NCOA7: variants seen among roughly 807,000 people sequenced by gnomAD.
The protein encoded by NCOA7 is 140 kDa estrogen receptor-associated protein.
In NCOA7, 45 loss-of-function variants were observed where a neutral mutation model predicts 104.3. The ratio of observed to expected loss-of-function variants is 0.43; its 90% CI spans 0.34 to 0.55. The LOEUF is 0.55. Among genes scored for constraint, NCOA7 ranks in the 20% least tolerant of loss-of-function variants. The pLI is 0.02. For synonymous variants in NCOA7, 398 were observed against 402.3 expected (o/e 0.99, Z 0.13); for missense variants, 1,041 against 1,119.7 (o/e 0.93, Z 1.00).
chr6:125,857,737 A>T (rs1192810853), intron 3 of NCOA7, among the ~76,000 whole-genome samples: 1 of 151,806 alleles, frequency 6.6e-6, no homozygotes, highest in East Asian at 1.9e-4. Flanking sequence ...ATTTTCAGCA[A>T]TGCAGCACTT....
At chr6:125,893,353 A>T (rs771944503) in intron 10 of NCOA7, among the ~76,000 whole-genome samples, 8 of 152,232 alleles carry the variant, frequency 5.3e-5, no homozygotes, top group Non-Finnish European at 1.2e-4. Context: ...CTATGTTAAA[A>T]ATTAAAACTC....
At chr6:125,803,753 T>G (rs1284473960) in intron 1 of NCOA7, among the ~76,000 whole-genome samples, 1 of 152,196 alleles carries the variant, frequency 6.6e-6, no homozygotes, top group Non-Finnish European at 1.5e-5. Flanking sequence ...ACACTCAAAT[T>G]TAATTCTTGA....
chr6:125,920,687 G>T (rs572766688), intron 11 of NCOA7, among the ~76,000 whole-genome samples: 2 of 152,160 alleles, frequency 1.3e-5, no homozygotes, highest in African/African-American at 4.8e-5. Context: ...GGGCATACAG[G>T]CATGAGCCAC....
intron 10 of NCOA7, among the ~76,000 whole-genome samples, chr6:125,912,325 T>C (rs1786642338): frequency 2.0e-5 from 3 of 152,058 alleles, no homozygotes; most frequent in Admixed American, 2.0e-4. Context: ...TAATGATTGA[T>C]AGGTGTTCCC....
chr6:125,896,720 A>G (rs1326077539), intron 10 of NCOA7, among the ~76,000 whole-genome samples: 4 of 152,234 alleles, frequency 2.6e-5, no homozygotes, highest in Non-Finnish European at 5.9e-5. Context: ...TGAGCCCGAG[A>G]TGCTGAGGCT....
chr6:125,922,720 A>T lies in NCOA7; in HGVS notation c.2409A>T (p.Pro803=). 6.2e-7 allele frequency: 1 copy of T among 1,613,962 alleles called. No homozygotes were observed. The highest frequency in any genetic ancestry group is 1.1e-5 in the South Asian group (1 of 91,076). ...TTCCTGCAAGGGTGCAAGGGTATCC[A>T]TGGAGACTGGCCTATAGCACGTTAG... is the stretch of plus-strand genomic sequence containing the variant. ...RRLPARVQGY[P]WRLAYSTLEH... Residue 803 remains proline, a synonymous_variant, in exon 13 of 16, where the codon CCA becomes CCT. Coordinates refer to ENST00000392477, the MANE Select transcript of NCOA7 (RefSeq NM_181782.5).
intron 11 of NCOA7, among the ~76,000 whole-genome samples, chr6:125,916,718 T>C (rs533402965): frequency 6.6e-6 from 1 of 152,308 alleles, no homozygotes; most frequent in South Asian, 2.1e-4. Flanking sequence ...CGTGCAATCC[T>C]GGATGAACCC....
chr6:125,806,328 G>T (rs185955525), intron 1 of NCOA7, among the ~76,000 whole-genome samples: 1 of 152,220 alleles, frequency 6.6e-6, no homozygotes, highest in East Asian at 1.9e-4. Flanking sequence ...ATGACAGAGT[G>T]AGACTCCTTC....
intron 10 of NCOA7, among the ~76,000 whole-genome samples, chr6:125,904,462 C>T (rs1583507519): frequency 6.6e-6 from 1 of 152,170 alleles, no homozygotes; most frequent in South Asian, 2.1e-4. Flanking sequence ...GCCATGTCCA[C>T]TTTGACCTCA....
At position 125,821,059 on chromosome 6, in the gene NCOA7, C is replaced by T. The variant is rs540452579; in HGVS notation, c.50+5655C>T. The stretch of plus-strand genomic sequence containing the variant: ...CTTGATGAACCGTCATGTCAAGCGG[C>T]GTGCCAGTGATACTGGCCCCCTTGG... On this transcript the variant is annotated intron_variant, in intron 2 of 15. Coordinates refer to ENST00000392477, the MANE Select transcript of NCOA7 (RefSeq NM_181782.5). Among the ~76,000 whole-genome samples, 14 of 152,254 alleles carry T rather than the reference C, an allele frequency of 9.2e-5. 1 individual carries two copies. Among genetic ancestry groups the T allele is most frequent in the African/African-American group, 3.1e-4 (13 of 41,534 alleles).
chr6:125,917,139 A>T (rs899544436), intron 11 of NCOA7, among the ~76,000 whole-genome samples: 2 of 152,110 alleles, frequency 1.3e-5, no homozygotes, highest in African/African-American at 4.8e-5. Context: ...TAAAAAACTG[A>T]ATCCTAGATC....
intron 4 of NCOA7, 170 bp downstream of exon 4, chr6:125,875,138 TG>T: frequency 1.9e-6 from 1 of 518,272 alleles, no homozygotes. Context: ...ATTTTCTCCC[TG>T]GTCAATCTCA....
intron 3 of NCOA7, among the ~76,000 whole-genome samples, chr6:125,866,796 C>A (rs1021430142): frequency 5.9e-5 from 9 of 152,214 alleles, no homozygotes; most frequent in Non-Finnish European, 1.3e-4. Context: ...GTTTTAATTG[C>A]TGTGGCTTTA....
intron 2 of NCOA7, among the ~76,000 whole-genome samples, chr6:125,822,935 C>CA (rs1361583039): frequency 0.03 from 1,644 of 54,826 alleles, 9 homozygotes; most frequent in Middle Eastern, 0.068. Flanking sequence ...ACTCCATCTC[C>CA]AAAAAAAAAA....
intron 10 of NCOA7, chr6:125,913,664 G>C (rs1316357316): frequency 1.0e-6 from 1 of 983,870 alleles, no homozygotes; most frequent in African/African-American, 1.7e-5. Flanking sequence ...ACTCTCTAAA[G>C]AAATACACCT....
chr6:125,810,260 G>T (rs767869134), intron 1 of NCOA7: 1 of 152,088 alleles, frequency 6.6e-6, no homozygotes, highest in Non-Finnish European at 1.5e-5. Flanking sequence ...TGCTGGTTCT[G>T]TTCTTTTAAA....
Position 125,821,777 on chromosome 6 carries a change from C to T in NCOA7, c.50+6373C>T, listed in dbSNP as rs528061549. 4.6e-5 allele frequency among the ~76,000 whole-genome samples: 7 copies of T among 152,264 alleles called. No individual in the cohort carries two copies. In the South Asian group the frequency reaches 1.0e-3, roughly 23 times the overall value. On this transcript the variant is annotated intron_variant, in intron 2 of 15. Transcript: ENST00000392477. ...TTGCATTACAGTGATCCACTTTACT[C>T]CCTAAGGTTGCATGTTGTCTGAAAA...
chr6:125,922,287 G>A (rs751515406), intron 12 of NCOA7, among the ~76,000 whole-genome samples: 1 of 152,228 alleles, frequency 6.6e-6, no homozygotes, highest in Admixed American at 6.5e-5. Flanking sequence ...GCAGCTCTCA[G>A]TAGCAGTTTT....
Position 125,927,648 on chromosome 6 carries a change from G to T in NCOA7, c.2524-15G>T. Reference sequence around the variant, plus strand: ...AGGTTTGAATGTAGGTAACATTTCTGTTTTCTTTTGACAGATTTTTGGAGC... The same window carrying T: ...AGGTTTGAATGTAGGTAACATTTCTTTTTTCTTTTGACAGATTTTTGGAGC... On this transcript the variant is annotated splice_polypyrimidine_tract_variant and intron_variant, in intron 13 of 15. Coordinates refer to ENST00000392477, the MANE Select transcript of NCOA7 (RefSeq NM_181782.5). The T allele has an allele frequency of 6.2e-7, 1 of 1,604,034 alleles. No individual in the cohort carries two copies. The highest frequency in any genetic ancestry group is 8.5e-7 in the Non-Finnish European group (1 of 1,170,828).
Sources: gnomAD v4.1 joint callset for allele counts (sites outside exome capture counted in the v4.1 genomes callset) on GRCh38, gnomAD v4.1.1 for gene constraint, MANE v1.5 for transcripts, NCBI Gene and HGNC (gene_info 2026-07-23, HGNC 2026-07-21) for gene names.